Variants in PDE1C observed in about 807,000 individuals in gnomAD.
PDE1C encodes dual specificity calcium/calmodulin-dependent 3',5'-cyclic nucleotide phosphodiesterase 1C.
Under a neutral mutation model 93.1 loss-of-function variants are expected in PDE1C, and 62 were observed. The ratio of observed to expected loss-of-function variants is 0.67; its 90% CI spans 0.54 to 0.82. PDE1C has a LOEUF of 0.82. Ranked by LOEUF, PDE1C falls within the 40% of genes least tolerant of loss-of-function variation. PDE1C has a pLI of 0.00. For missense variants in PDE1C, 742 were observed against 884.6 expected, an observed-to-expected ratio of 0.84 and a Z score of 2.04; for synonymous variants, 325 against 310.1, an observed-to-expected ratio of 1.05 and a Z score of -0.50.
chr7:32,030,358 T>C (rs1208905779), intron 2 of PDE1C, among the ~76,000 whole-genome samples: 1 of 152,140 alleles, frequency 6.6e-6, no homozygotes, highest in Non-Finnish European at 1.5e-5. Flanking sequence ...ACCAAACTCA[T>C]GCTTATGCTT....
intron 1 of PDE1C, among the ~76,000 whole-genome samples, chr7:32,243,753 G>A (rs908817941): frequency 6.6e-6 from 1 of 152,174 alleles, no homozygotes; most frequent in Non-Finnish European, 1.5e-5. Flanking sequence ...TAAAGGTGGA[G>A]TATAATAATA....
upstream of PDE1C, among the ~76,000 whole-genome samples, chr7:32,074,607 T>C (rs1405332021): frequency 2.6e-5 from 4 of 151,966 alleles, no homozygotes; most frequent in Non-Finnish European, 4.4e-5. Context: ...AGTAAAGAGG[T>C]ATATAATAGA....
At chr7:32,179,182 G>T (rs564634816) in intron 2 of PDE1C, among the ~76,000 whole-genome samples, 2 of 85,770 alleles carry the variant, frequency 2.3e-5, no homozygotes, top group Non-Finnish European at 5.2e-5. Context: ...AGAACATCCT[G>T]CATTTCTGAA....
intron 2 of PDE1C, among the ~76,000 whole-genome samples, chr7:32,025,680 G>T (rs79299150): frequency 5.9e-5 from 9 of 152,108 alleles, no homozygotes; most frequent in Admixed American, 2.6e-4. Context: ...AGCAGGGAGA[G>T]GATGTTAAGA....
chr7:32,382,473 G>C (rs1383429191), intron 1 of PDE1C, among the ~76,000 whole-genome samples: 1 of 152,164 alleles, frequency 6.6e-6, no homozygotes, highest in Non-Finnish European at 1.5e-5. Context: ...AAGGCTTTTA[G>C]TTGTGCCACA....
chr7:32,295,735 CA>C (rs943774164), intron 1 of PDE1C, among the ~76,000 whole-genome samples: 1 of 150,660 alleles, frequency 6.6e-6, no homozygotes, highest in Non-Finnish European at 1.5e-5. Flanking sequence ...ACTAAAAATA[CA>C]AAAAAAAATT....
At chr7:32,240,017 C>T (rs1223989856) in intron 1 of PDE1C, among the ~76,000 whole-genome samples, 2 of 152,210 alleles carry the variant, frequency 1.3e-5, no homozygotes, top group Non-Finnish European at 2.9e-5. Context: ...ATTGGGCCCC[C>T]TGCCACCCCA....
chr7:31,809,519 G>T (rs1282700513), intron 15 of PDE1C, among the ~76,000 whole-genome samples: 1 of 151,938 alleles, frequency 6.6e-6, no homozygotes, highest in Non-Finnish European at 1.5e-5. Flanking sequence ...AAATTAGAAG[G>T]CATATCACTC....
At chr7:32,129,066 T>C (rs935879177) in intron 3 of PDE1C, among the ~76,000 whole-genome samples, 2 of 150,646 alleles carry the variant, frequency 1.3e-5, no homozygotes, top group African/African-American at 4.9e-5. Context: ...TATTGACAAT[T>C]AGTCATGTGA....
intron 1 of PDE1C, among the ~76,000 whole-genome samples, chr7:32,217,571 G>A (rs943363870): frequency 6.6e-6 from 1 of 152,176 alleles, no homozygotes; most frequent in African/African-American, 2.4e-5. Flanking sequence ...GTGCTGTGTT[G>A]AGAAGTCTTC....
chr7:32,074,165 G>A (rs546767140), upstream of PDE1C, among the ~76,000 whole-genome samples: 5 of 152,246 alleles, frequency 3.3e-5, no homozygotes, highest in East Asian at 9.6e-4. Flanking sequence ...AAAAGATTAG[G>A]AAGAAAGTGA....
intron 17 of PDE1C, among the ~76,000 whole-genome samples, chr7:31,770,805 C>G (rs2128622640): frequency 6.6e-6 from 1 of 152,260 alleles, no homozygotes; most frequent in East Asian, 1.9e-4. Flanking sequence ...CCGTTTCCTT[C>G]TAAGATTTTT....
intron 2 of PDE1C, among the ~76,000 whole-genome samples, chr7:31,988,943 T>C (rs539830797): frequency 7.9e-4 from 96 of 121,768 alleles, no homozygotes; most frequent in African/African-American, 2.7e-3. Flanking sequence ...TGTGGTGAGC[T>C]AAGATTAAAC....
At chr7:32,387,457 A>C in intron 1 of PDE1C, among the ~76,000 whole-genome samples, 1 of 151,476 alleles carries the variant, frequency 6.6e-6, no homozygotes, top group Non-Finnish European at 1.5e-5. Flanking sequence ...GCGGCCGGGC[A>C]GAAGCGCCCC....
the PDE1C span, among the ~76,000 whole-genome samples, chr7:31,720,763 G>T: frequency 1.3e-5 from 2 of 152,114 alleles, no homozygotes; most frequent in Non-Finnish European, 2.9e-5. Flanking sequence ...GGATGCTTTT[G>T]TTTTTTTCTC....
the PDE1C span, chr7:31,652,006 C>A: frequency 6.2e-7 from 1 of 1,605,240 alleles, no homozygotes; most frequent in South Asian, 1.1e-5. Flanking sequence ...GTTGGAATTT[C>A]AGTTAGGAGA....
chr7:32,359,005 C>T (rs1437612165), intron 1 of PDE1C, among the ~76,000 whole-genome samples: 2 of 152,144 alleles, frequency 1.3e-5, no homozygotes, highest in African/African-American at 4.8e-5. Flanking sequence ...CCTTGCTGGG[C>T]CTGCATCGAA....
intron 1 of PDE1C, among the ~76,000 whole-genome samples, chr7:32,388,678 TAAAAAA>T (rs5883343): frequency 4.9e-5 from 4 of 81,590 alleles, no homozygotes; most frequent in East Asian, 3.8e-4. Context: ...GTCCCATTTC[TAAAAAA>T]AAAAAAAAAA....
intron 2 of PDE1C, among the ~76,000 whole-genome samples, chr7:31,998,399 A>T (rs553950334): frequency 6.6e-6 from 1 of 152,302 alleles, no homozygotes; most frequent in South Asian, 2.1e-4. Flanking sequence ...GTAAATACAT[A>T]CCAATCTTTT....
Sources: gnomAD v4.1 joint callset for allele counts (sites outside exome capture counted in the v4.1 genomes callset) on GRCh38, gnomAD v4.1.1 for gene constraint, MANE v1.5 for transcripts, NCBI Gene and HGNC (gene_info 2026-07-23, HGNC 2026-07-21) for gene names.